CDH17: variants seen among roughly 807,000 people sequenced by gnomAD.
CDH17 encodes the protein cadherin 17, also known as cadherin-17.
CDH17 carries 67 observed loss-of-function variants against 86.3 expected under a neutral mutation model. The ratio of observed to expected loss-of-function variants is 0.78; its 90% CI spans 0.64 to 0.95. CDH17 has a LOEUF of 0.95. CDH17 is among the 40% of genes least tolerant of loss of function. The probability of loss-of-function intolerance (pLI) is 0.00; values close to 1 mark genes in which losing one functional copy is unlikely to be tolerated. For missense variants in CDH17, 993 were observed against 1,017.6 expected (o/e 0.98, Z 0.33); for synonymous variants, 367 against 366.4 (o/e 1.00, Z -0.02).
intron 3 of CDH17, among the ~76,000 whole-genome samples, chr8:94,178,073 T>C (rs1157128449): frequency 6.6e-6 from 1 of 152,210 alleles, no homozygotes; most frequent in Non-Finnish European, 1.5e-5. Context: ...GGATAAAATA[T>C]GTCATTTAGC....
Position 94,146,115 on chromosome 8 carries a change from CA to C in CDH17, c.1979del (p.Val660GlyfsTer8). The C allele has an allele frequency of 1.9e-6, 3 of 1,611,466 alleles. No individual in the cohort carries two copies. Among genetic ancestry groups the C allele is most frequent in the Non-Finnish European group, 2.5e-6 (3 of 1,178,878 alleles). ...VSEFHLILMDVNDNPPRLAKD... is the reference protein window; with the variant it reads ...VSEFHLILMDXNDNPPRLAKD... ...TGGCTAGCCTGGGAGGGTTGTCATT[CA>C]CATCCATAAGGATCAGGTGGAACTC... is the stretch of plus-strand genomic sequence containing the variant. On this transcript the variant is annotated frameshift_variant, in exon 15 of 18. Transcript: ENST00000027335. LOFTEE classifies it high-confidence loss of function.
rs146700500 is a variant in CDH17, at chr8:94,147,408, A to C, written c.1928-1241T>G. Among the ~76,000 whole-genome samples, 681 of 152,248 alleles carry C rather than the reference A, an allele frequency of 4.5e-3. 4 individuals carry two copies. Among genetic ancestry groups the C allele is most frequent in the Non-Finnish European group, 5.0e-3 (338 of 68,010 alleles). On this transcript the variant is annotated intron_variant, in intron 14 of 17. Transcript: ENST00000027335. ...ATTTTGTTTTTCTTAATCTTTCCAC[A>C]TGCAGGGGCCGTTTTTATGATTCCT...
chr8:94,173,979 G>A lies in CDH17; in HGVS notation c.601C>T (p.Pro201Ser). The A allele has an allele frequency of 6.2e-7, 1 of 1,613,734 alleles. No individual in the cohort carries two copies. The highest frequency in any genetic ancestry group is 2.2e-5 in the East Asian group (1 of 44,814). ...AGATTATAGGAAGGATTCTTAGCAG[G>A]ATTCAATTCCTGAGATCCTGTGAGA... Reference protein sequence around the residue: ...LTREGSQELNPAKNPSYNLVI... With the variant: ...LTREGSQELNSAKNPSYNLVI... The change falls in exon 7 of 18, where the codon CCT becomes TCT. Residue 201 changes from proline (P) to serine (S), a missense_variant. Physicochemically the swap from Pro to Ser is moderately conservative, Grantham distance 74 (BLOSUM62 -1). Transcript: ENST00000027335.
At chr8:94,135,477 G>C (rs1041772090) in intron 15 of CDH17, among the ~76,000 whole-genome samples, 1 of 151,998 alleles carries the variant, frequency 6.6e-6, no homozygotes, top group Non-Finnish European at 1.5e-5. Flanking sequence ...CTAGGATTGC[G>C]ATCCCTGCTT....
intron 15 of CDH17, among the ~76,000 whole-genome samples, chr8:94,137,493 A>G (rs1477041632): frequency 6.6e-6 from 1 of 152,280 alleles, no homozygotes. Context: ...AAGATCTTGG[A>G]AAAAGTGCAG....
chr8:94,130,966 G>A lies in CDH17; in HGVS notation c.2194C>T (p.His732Tyr). ...TACTCCCTCTCCTCAAACTCTGTGT[G>A]CCTGGTAGACAGTCGGGCATGAGTA... is the stretch of plus-strand genomic sequence containing the variant. ...NGTHARLSTR[H>Y]TEFEEREYVV... The change falls in exon 16 of 18, where the codon CAC (histidine) becomes TAC (tyrosine). Residue 732 changes from histidine (H) to tyrosine (Y), a missense_variant. His to Tyr is a moderately conservative substitution (Grantham distance 83, BLOSUM62 2). Coordinates refer to ENST00000027335, the MANE Select transcript of CDH17 (RefSeq NM_004063.4). 6.2e-7 allele frequency: 1 copy of A among 1,602,634 alleles called. No individual in the cohort carries two copies.
rs112360701 is a variant in CDH17 at position 94,180,752 on chromosome 8, G to A, written c.151-3031C>T. 8.1e-3 allele frequency among the ~76,000 whole-genome samples: 1,236 copies of A among 151,908 alleles called. 18 individuals carry two copies. Among genetic ancestry groups the A allele is most frequent in the African/African-American group, 0.02 (832 of 41,436 alleles). Reference sequence around the variant, plus strand: ...CTACTAAAAACACAAAAAATTAGCCGGGCATGGTGGTGGGCATCTGTAGTC... The same window carrying A: ...CTACTAAAAACACAAAAAATTAGCCAGGCATGGTGGTGGGCATCTGTAGTC... On this transcript the variant is annotated intron_variant, in intron 3 of 17. Coordinates refer to ENST00000027335, the MANE Select transcript of CDH17 (RefSeq NM_004063.4).
intron 2 of CDH17, among the ~76,000 whole-genome samples, chr8:94,191,731 G>C (rs1296388564): frequency 1.3e-5 from 2 of 152,170 alleles, no homozygotes; most frequent in Admixed American, 6.5e-5. Flanking sequence ...TGGGATTACA[G>C]GCATGAGCAA....
At chr8:94,174,377 A>G in intron 5 of CDH17, 117 bp from the exon 6 acceptor site, 1 of 969,014 alleles carries the variant, frequency 1.0e-6, no homozygotes, top group Non-Finnish European at 1.5e-6. Context: ...AGGTATGACA[A>G]TTCACACCAG....
At chr8:94,131,705 C>T (rs562425539) in intron 15 of CDH17, among the ~76,000 whole-genome samples, 1 of 151,808 alleles carries the variant, frequency 6.6e-6, no homozygotes, top group South Asian at 2.1e-4. Flanking sequence ...ATACTTTGTG[C>T]ACATGTACCC....
In CDH17 at chr8:94,146,154, C is replaced by T. The variant is rs1131830; in HGVS notation, c.1941G>A (p.Leu647=). The T allele has an allele frequency of 0.52, 818,732 of 1,564,326 alleles. 218,051 individuals carry two copies. Among genetic ancestry groups the T allele is most frequent in the Non-Finnish European group, 0.54 (627,631 of 1,155,544 alleles). Residue 647 remains leucine (L), a synonymous_variant, in exon 15 of 18, where the codon TTG becomes TTA. Coordinates refer to ENST00000027335, the MANE Select transcript of CDH17 (RefSeq NM_004063.4). ...TCAGGTGGAACTCTGACACAGAGCT[C>T]AAGGAAGACCCCCCTAAGGAATTGA... ...VVATEVGGSS[L]SSVSEFHLIL...
At chr8:94,172,903 G>T (rs1278781712) in intron 7 of CDH17, among the ~76,000 whole-genome samples, 1 of 152,118 alleles carries the variant, frequency 6.6e-6, no homozygotes. Context: ...CAAGGGGAAA[G>T]GTTCCCTACT....
At chr8:94,153,476 G>T (rs1422770068) in intron 12 of CDH17, among the ~76,000 whole-genome samples, 1 of 152,148 alleles carries the variant, frequency 6.6e-6, no homozygotes, top group South Asian at 2.1e-4. Flanking sequence ...ATTAAAAATA[G>T]AACTACCATA....
At chr8:94,147,809 C>T (rs1018538947) in intron 14 of CDH17, among the ~76,000 whole-genome samples, 1 of 152,160 alleles carries the variant, frequency 6.6e-6, no homozygotes, top group Admixed American at 6.5e-5. Context: ...ACAAAGATTA[C>T]ACAGGAATGG....
chr8:94,158,423 A>G (rs1812985978), intron 12 of CDH17, among the ~76,000 whole-genome samples: 1 of 152,154 alleles, frequency 6.6e-6, no homozygotes, highest in Non-Finnish European at 1.5e-5. Context: ...ACAAATGGCC[A>G]AGTTAAACTG....
chr8:94,179,626 A>C (rs1238043230), intron 3 of CDH17, among the ~76,000 whole-genome samples: 2 of 152,256 alleles, frequency 1.3e-5, no homozygotes, highest in Non-Finnish European at 2.9e-5. Context: ...ACTGCCTGCC[A>C]CATAGTTGAA....
chr8:94,193,844 G>C (rs1158100994), intron 2 of CDH17, among the ~76,000 whole-genome samples: 1 of 151,868 alleles, frequency 6.6e-6, no homozygotes, highest in East Asian at 1.9e-4. Context: ...GAGCTCTAGG[G>C]TATTTTTTGG....
At chr8:94,190,707 G>A (rs1813671853) in intron 2 of CDH17, among the ~76,000 whole-genome samples, 1 of 152,190 alleles carries the variant, frequency 6.6e-6, no homozygotes. Context: ...ATGTCCAGGT[G>A]CCACTAGGTT....
intron 1 of CDH17, among the ~76,000 whole-genome samples, chr8:94,200,634 G>GCAC (rs1813893767): frequency 7.2e-6 from 1 of 139,370 alleles, no homozygotes; most frequent in South Asian, 2.3e-4. Flanking sequence ...CACCCAATGG[G>GCAC]CACCACCATG....
Sources: gnomAD v4.1 joint callset for allele counts (sites outside exome capture counted in the v4.1 genomes callset) on GRCh38, gnomAD v4.1.1 for gene constraint, MANE v1.5 for transcripts, NCBI Gene and HGNC (gene_info 2026-07-23, HGNC 2026-07-21) for gene names.